SLC23A1: variants seen among roughly 807,000 people sequenced by gnomAD.
The protein encoded by SLC23A1 is Na(+)/L-ascorbic acid transporter 1.
SLC23A1 carries 31 observed loss-of-function variants against 62.5 expected under a neutral mutation model. That is an observed-to-expected ratio of 0.50 (90% CI 0.37 to 0.67). The LOEUF is 0.67. Ranked by LOEUF, SLC23A1 falls within the 30% of genes least tolerant of loss-of-function variation. The pLI is 0.00. For synonymous variants in SLC23A1, 271 were observed against 313.2 expected, an observed-to-expected ratio of 0.87 and a Z score of 1.42; for missense variants, 640 against 782.7, an observed-to-expected ratio of 0.82 and a Z score of 2.18.
intron 1 of SLC23A1, 85 bp downstream of exon 1, chr5:139,383,133 T>A: frequency 1.1e-6 from 1 of 875,774 alleles, no homozygotes; most frequent in East Asian, 3.2e-5. Context: ...CGTTTATCTC[T>A]GGCCTCCAGG....
Position 139,381,929 on chromosome 5 carries a change from C to G in SLC23A1, c.271G>C (p.Gly91Arg), listed in dbSNP as rs770880938. Residue 91 changes from glycine to arginine, a missense_variant, in exon 3 of 15, where the codon GGC becomes CGC. By Grantham distance (125) the Gly-to-Arg change is moderately radical. Coordinates refer to ENST00000348729, the MANE Select transcript of SLC23A1 (RefSeq NM_005847.5). The stretch of plus-strand genomic sequence containing the variant: ...GTGGTCTGGATGAGAGTGGTGATGC[C>G]CACGCACGTGAAGATGGTGCCGATG... ...QLIGTIFTCVGITTLIQTTVG... is the reference protein window; with the variant it reads ...QLIGTIFTCVRITTLIQTTVG... 14 of 1,576,862 alleles carry G rather than the reference C, an allele frequency of 8.9e-6. No individual in the cohort carries two copies. The highest frequency in any genetic ancestry group is 1.2e-5 in the Non-Finnish European group (14 of 1,162,522).
rs751785483 is a variant in SLC23A1, at chr5:139,379,195, C to G, written c.1073+12G>C. 7 of 1,613,764 alleles carry G rather than the reference C, an allele frequency of 4.3e-6. No individual in the cohort carries two copies. The South Asian group carries it at 7.7e-5, about 18-fold the overall frequency. On this transcript the variant is annotated intron_variant, in intron 9 of 14. Coordinates refer to ENST00000348729, the MANE Select transcript of SLC23A1 (RefSeq NM_005847.5). This position sits in a 1 kb window ranked among gnomAD's most constrained non-coding sequence, Gnocchi z 4.7. ...TGAGGAGATCAGATACTGAGGAGGGCAGGTAGGCTACCTGTTGATAGCATG... is the reference window on the plus strand; with the variant it reads ...TGAGGAGATCAGATACTGAGGAGGGGAGGTAGGCTACCTGTTGATAGCATG...
chr5:139,379,316 G>A lies in SLC23A1; in HGVS notation c.964C>T (p.Leu322=). Residue 322 remains leucine, a synonymous_variant, in exon 9 of 15, where the codon CTG becomes TTG. Transcript: ENST00000348729. This position sits in a 1 kb window ranked among gnomAD's most constrained non-coding sequence, Gnocchi z 4.7. ...GCCAGAGTGGCGCTGAACATTCCCA[G>A]GACAGCAGCCGCAGTCACCGTGGGC... ...GLPTVTAAAV[L]GMFSATLAGI... is the part of the protein sequence containing the mutation. The A allele has an allele frequency of 6.2e-7, 1 of 1,614,192 alleles. No homozygotes were observed. Among genetic ancestry groups the A allele is most frequent in the South Asian group, 1.1e-5 (1 of 91,088 alleles).
At chr5:139,375,588 A>C (rs912020082) in intron 13 of SLC23A1, among the ~76,000 whole-genome samples, 1 of 152,158 alleles carries the variant, frequency 6.6e-6, no homozygotes, top group Admixed American at 6.5e-5. Context: ...TAATCCTAGC[A>C]CTTTGGGAGG....
upstream of SLC23A1, chr5:139,384,415 C>T: frequency 3.9e-6 from 5 of 1,289,786 alleles, no homozygotes; most frequent in Non-Finnish European, 5.1e-6. Context: ...GGCAGCACCG[C>T]TCTCCAGCTG....
intron 14 of SLC23A1, 31 bp downstream of exon 14, chr5:139,371,956 C>T (rs755854324): frequency 6.4e-7 from 1 of 1,552,358 alleles, no homozygotes; most frequent in South Asian, 1.1e-5. Context: ...GATTATTCAA[C>T]CCTCCCACAA....
upstream of SLC23A1, chr5:139,384,882 G>A (rs1378712110): frequency 5.2e-6 from 2 of 383,956 alleles, no homozygotes; most frequent in Non-Finnish European, 7.1e-6. Context: ...GGTGTCTAGG[G>A]TTTCTCTCCT....
rs200831182 is a variant in SLC23A1, at chr5:139,379,814, G to A, written c.789C>T (p.Thr263=). The A allele has an allele frequency of 3.3e-5, 54 of 1,614,120 alleles. No individual in the cohort carries two copies. Among genetic ancestry groups the A allele is most frequent in the Admixed American group, 5.0e-5 (3 of 60,024 alleles). ...TCAGGACATAGCAGAGCAGCCACAC[G>A]GTCATGATGGCCAGCATGATCTGAA... is the stretch of plus-strand genomic sequence containing the variant. ...KMFPIMLAIM[T]VWLLCYVLTL... is the part of the protein sequence containing the mutation. The change falls in exon 8 of 15, where the codon ACC becomes ACT. Residue 263 remains threonine (T), a synonymous_variant. Coordinates refer to ENST00000348729, the MANE Select transcript of SLC23A1 (RefSeq NM_005847.5). The surrounding 1 kb of genome is among the most constrained non-coding windows in gnomAD (Gnocchi z 4.7).
intron 2 of SLC23A1, 175 bp downstream of exon 2, chr5:139,382,317 G>A: frequency 1.7e-6 from 1 of 603,194 alleles, no homozygotes; most frequent in Non-Finnish European, 3.0e-6. Flanking sequence ...CACTCCCCCA[G>A]GGAGTTCATC....
Position 139,380,275 on chromosome 5 carries a change from G to A in SLC23A1, c.580C>T (p.Leu194Phe), listed in dbSNP as rs969113997. ...GPLTVTPTVS[L>F]IGLSVFQAAG... ...GCTTGGAAGACAGAAAGGCCAATGA[G>A]GGAGACAGTGGGGGTGACTGTGAGA... Residue 194 changes from leucine to phenylalanine, a missense_variant, in exon 6 of 15, where the codon CTC becomes TTC. Coordinates refer to ENST00000348729, the MANE Select transcript of SLC23A1 (RefSeq NM_005847.5). The A allele has an allele frequency of 1.3e-6, 2 of 1,587,286 alleles. No homozygotes were observed. The highest frequency in any genetic ancestry group is 1.7e-6 in the Non-Finnish European group (2 of 1,166,796).
Position 139,372,011 on chromosome 5 carries a change from C to G in SLC23A1, c.1792G>C (p.Val598Leu), listed in dbSNP as rs115102991. The change falls in exon 14 of 15, where the codon GTC (valine) becomes CTC (leucine). Residue 598 changes from valine to leucine, a missense_variant. Val to Leu is a conservative substitution (Grantham distance 32, BLOSUM62 1). Transcript: ENST00000348729. The stretch of plus-strand genomic sequence containing the variant: ...CCTTTCCTGGAAGTCATTTTTCAGA[C>G]CTTGGTGCACACAGATGCAGTTTCT... ...NTETASVCTK[V>L] 1.2e-6 allele frequency: 2 copies of G among 1,613,482 alleles called. No homozygotes were observed. The highest frequency in any genetic ancestry group is 1.7e-6 in the Non-Finnish European group (2 of 1,179,590).
upstream of SLC23A1, chr5:139,383,374 C>T (rs941038175): frequency 5.9e-6 from 9 of 1,516,894 alleles, no homozygotes; most frequent in East Asian, 1.4e-4. Flanking sequence ...AACCAGATGC[C>T]CAGCTCTGGA....
intron 13 of SLC23A1, among the ~76,000 whole-genome samples, chr5:139,373,276 C>G (rs1444984593): frequency 1.3e-5 from 2 of 151,828 alleles, no homozygotes; most frequent in African/African-American, 4.8e-5. Flanking sequence ...CTCCCAGATG[C>G]AAGCGATTCT....
At chr5:139,383,395 G>A, upstream of SLC23A1, 1 of 1,468,620 alleles carries the variant, frequency 6.8e-7, no homozygotes, top group Non-Finnish European at 9.0e-7. Context: ...TTGCGAAAGG[G>A]GGGCCCGGGC....
rs997803686 is a variant in SLC23A1, at chr5:139,372,353, C to T, written c.1550-100G>A. 5 of 1,112,412 alleles carry T rather than the reference C, an allele frequency of 4.5e-6. No individual in the cohort carries two copies. The Admixed American group carries it at 9.1e-5, about 20-fold the overall frequency. 68.9% of individuals were successfully genotyped at this position (1,112,412 alleles called of 1,614,324 possible). On this transcript the variant is annotated intron_variant, in intron 13 of 14. Coordinates refer to ENST00000348729, the MANE Select transcript of SLC23A1 (RefSeq NM_005847.5). The stretch of plus-strand genomic sequence containing the variant: ...AAGGCAGACTTCTGGAATCAAGTAT[C>T]TTCCTTAACTATCATTTGGTCCTAA...
intron 13 of SLC23A1, among the ~76,000 whole-genome samples, chr5:139,373,674 C>T (rs553252023): frequency 6.6e-6 from 1 of 152,286 alleles, no homozygotes; most frequent in South Asian, 2.1e-4. Context: ...TCCAAAATCT[C>T]ACAGGAGAGG....
rs1324004227 is a variant in SLC23A1 at position 139,378,239 on chromosome 5, A to G, written c.1292T>C (p.Met431Thr). 6.2e-7 allele frequency: 1 copy of G among 1,612,586 alleles called. No homozygotes were observed. The highest frequency in any genetic ancestry group is 1.3e-5 in the African/African-American group (1 of 74,872). The change falls in exon 11 of 15, where the codon ATG (methionine) becomes ACG (threonine). Residue 431 changes from methionine (M) to threonine (T), a missense_variant. By Grantham distance (81) the Met-to-Thr change is moderately conservative (BLOSUM62 -1). Coordinates refer to ENST00000348729, the MANE Select transcript of SLC23A1 (RefSeq NM_005847.5). This position sits in a 1 kb window ranked among gnomAD's most constrained non-coding sequence, Gnocchi z 4.5. ...ASLPDPILGGMFCTLFGMITA... is the reference protein window; with the variant it reads ...ASLPDPILGGTFCTLFGMITA... ...ACACTCACCAAAGAGAGTGCAGAAC[A>G]TGCCCCCCAGGATGGGGTCAGGGAG...
Position 139,380,898 on chromosome 5 carries a change from G to A in SLC23A1, c.309-12C>T. 3 of 512,610 alleles carry A rather than the reference G, an allele frequency of 5.9e-6. No homozygotes were observed. The highest frequency in any genetic ancestry group is 5.2e-5 in the South Asian group (3 of 57,404). The allele number at this position is 512,610 out of a possible 1,614,324, so 31.8% of individuals were successfully genotyped here. ...GGAACAGCGGCAGCCTGGAGGAGAG[G>A]CACAAAGCAACAGGGGTGGGGAGGG... On this transcript the variant is annotated splice_polypyrimidine_tract_variant and intron_variant, in intron 3 of 14. Transcript: ENST00000348729.
In SLC23A1 at chr5:139,380,013, G is replaced by A. The variant is rs371696722; in HGVS notation, c.711C>T (p.Val237=). 24 of 1,614,136 alleles carry A rather than the reference G, an allele frequency of 1.5e-5. No homozygotes were observed. The African/African-American group carries it at 2.9e-4, about 20-fold the overall frequency. ...GAGTGAGGCCCTTGCCCCAGCGGTA[G>A]ACAGGCAGCAGGAAGGTGAGGTTGC... ...YLRNLTFLLP[V]YRWGKGLTLL... is the part of the protein sequence containing the mutation. Residue 237 remains valine, a synonymous_variant, in exon 7 of 15, where the codon GTC becomes GTT. Transcript: ENST00000348729.
Sources: gnomAD v4.1 joint callset for allele counts (sites outside exome capture counted in the v4.1 genomes callset) on GRCh38, gnomAD v4.1.1 for gene constraint, Gnocchi (gnomAD v3.1) non-coding constraint, MANE v1.5 for transcripts, NCBI Gene and HGNC (gene_info 2026-07-23, HGNC 2026-07-21) for gene names.